DCC: variants seen among roughly 807,000 people sequenced by gnomAD.
DCC encodes DCC netrin 1 receptor.
Under a neutral mutation model 172.5 loss-of-function variants are expected in DCC, and 58 were observed. That is an observed-to-expected ratio of 0.34 (90% CI 0.27 to 0.42). The LOEUF (loss-of-function observed/expected upper bound fraction) is 0.42. Ranked by LOEUF, DCC falls within the 10% of genes least tolerant of loss-of-function variation. The pLI is 1.00. For synonymous variants in DCC, 709 were observed against 644.5 expected (o/e 1.10, Z -1.52); for missense variants, 1,740 against 1,791.0 (o/e 0.97, Z 0.51).
intron 12 of DCC, among the ~76,000 whole-genome samples, chr18:53,241,427 A>G (rs1053909525): frequency 6.6e-6 from 1 of 152,154 alleles, no homozygotes; most frequent in African/African-American, 2.4e-5. Flanking sequence ...TGGAGGGTCA[A>G]GTGGACCAAC....
chr18:53,090,568 C>T (rs185813237), intron 7 of DCC, among the ~76,000 whole-genome samples: 4 of 151,102 alleles, frequency 2.6e-5, no homozygotes, highest in East Asian at 2.0e-4. Flanking sequence ...GTGGCGGGCA[C>T]CTGTGGTCCC....
chr18:52,686,838 T>C (rs2035844593), intron 1 of DCC, among the ~76,000 whole-genome samples: 1 of 152,098 alleles, frequency 6.6e-6, no homozygotes, highest in Non-Finnish European at 1.5e-5. Flanking sequence ...GCCTTGATCA[T>C]ATTTCTGCCA....
At chr18:52,730,212 C>T (rs2036616661) in intron 1 of DCC, among the ~76,000 whole-genome samples, 1 of 152,038 alleles carries the variant, frequency 6.6e-6, no homozygotes, top group South Asian at 2.1e-4. Flanking sequence ...TGTCCAGAGA[C>T]ATTTTTGGTT....
At chr18:53,351,025 T>A (rs369008971) in intron 15 of DCC, among the ~76,000 whole-genome samples, 1 of 149,230 alleles carries the variant, frequency 6.7e-6, no homozygotes, top group South Asian at 2.1e-4. Flanking sequence ...TTCTCTTTTA[T>A]GATTTTTTTT....
chr18:53,483,632 G>C (rs2045864144), intron 25 of DCC, among the ~76,000 whole-genome samples: 3 of 151,536 alleles, frequency 2.0e-5, no homozygotes, highest in Non-Finnish European at 4.4e-5. Context: ...TTATGTTTGT[G>C]GGTCTTTTTT....
intron 1 of DCC, among the ~76,000 whole-genome samples, chr18:52,352,826 G>C (rs1032761198): frequency 2.0e-5 from 3 of 152,114 alleles, no homozygotes; most frequent in African/African-American, 4.8e-5. Flanking sequence ...CAGTGTCCTA[G>C]GGTCTTTCTA....
In DCC at chr18:52,752,077, G is replaced by A. The variant is rs779596593; in HGVS notation, c.115G>A (p.Ala39Thr). 1.2e-6 allele frequency: 2 copies of A among 1,614,094 alleles called. No individual in the cohort carries two copies. The highest frequency in any genetic ancestry group is 1.7e-6 in the Non-Finnish European group (2 of 1,179,996). Residue 39 changes from alanine to threonine, a missense_variant, in exon 2 of 29, where the codon GCA becomes ACA. Ala to Thr is a moderately conservative substitution (Grantham distance 58, BLOSUM62 0). This residue lies in a region of DCC where 1,732 missense variants were observed against 1,767.4 expected (regional missense o/e 0.98). Coordinates refer to ENST00000442544, the MANE Select transcript of DCC (RefSeq NM_005215.4). ...VTGFQIKAFT[A>T]LRFLSEPSDA... Reference sequence around the variant, plus strand: ...AGGTTTTCAAATTAAAGCTTTCACAGCACTGCGCTTCCTCTCAGAACCTTC... The same window carrying A: ...AGGTTTTCAAATTAAAGCTTTCACAACACTGCGCTTCCTCTCAGAACCTTC...
intron 6 of DCC, 74 bp from the exon 7 acceptor site, chr18:53,065,972 C>A: frequency 6.3e-7 from 1 of 1,576,520 alleles, no homozygotes; most frequent in South Asian, 1.1e-5. Flanking sequence ...AAACTTTGGT[C>A]TCATCTAAGT....
chr18:52,415,508 A>C (rs1986990923), intron 1 of DCC, among the ~76,000 whole-genome samples: 1 of 152,194 alleles, frequency 6.6e-6, no homozygotes, highest in Admixed American at 6.5e-5. Flanking sequence ...TGAAGGTGGC[A>C]GGCACCTTGC....
intron 12 of DCC, among the ~76,000 whole-genome samples, chr18:53,299,892 A>G (rs2057112486): frequency 6.6e-6 from 1 of 152,214 alleles, no homozygotes; most frequent in Admixed American, 6.5e-5. Context: ...GGTCATAGCA[A>G]TAGACCTTAA....
Position 53,178,945 on chromosome 18 carries a change from C to T in DCC, c.1419-17C>T. 6.2e-7 allele frequency: 1 copy of T among 1,613,740 alleles called. No homozygotes were observed. Among genetic ancestry groups the T allele is most frequent in the Non-Finnish European group, 8.5e-7 (1 of 1,179,746 alleles). On this transcript the variant is annotated splice_polypyrimidine_tract_variant and intron_variant, in intron 8 of 28. Coordinates refer to ENST00000442544, the MANE Select transcript of DCC (RefSeq NM_005215.4). ...TTCTTTTTGGAATAATCTTTCTCTG[C>T]AACTTTGATTTCTCAGGGAACGAGC... is the stretch of plus-strand genomic sequence containing the variant.
intron 2 of DCC, among the ~76,000 whole-genome samples, chr18:52,898,289 G>A (rs2039761570): frequency 6.6e-6 from 1 of 152,120 alleles, no homozygotes; most frequent in Non-Finnish European, 1.5e-5. Flanking sequence ...GATCCTGATA[G>A]TCTGCCAAGA....
chr18:52,754,317 T>C (rs2037044218), intron 2 of DCC: 1 of 152,208 alleles, frequency 6.6e-6, no homozygotes, highest in South Asian at 2.1e-4. Context: ...TTTTCTCCAC[T>C]AAGAACTCTG....
At position 53,300,994 on chromosome 18, in the gene DCC, T is replaced by TTCTTTCTTTCTTTCTTTCTTTTC. The variant is rs1555649245; in HGVS notation, c.1912-4583_1912-4582insCTTTCTTTCTTTCTTTCTTTTCT. Reference sequence around the variant, plus strand: ...CTTTCTTTCTTTCTTTCTTTCTTTTTTTTTCTTTTCTTTCTTTTCACTCTT... The same window carrying TTCTTTCTTTCTTTCTTTCTTTTC: ...CTTTCTTTCTTTCTTTCTTTCTTTTTTCTTTCTTTCTTTCTTTCTTTTCTTTTCTTTTCTTTCTTTTCACTCTT... On this transcript the variant is annotated intron_variant, in intron 12 of 28. Transcript: ENST00000442544. 8.2e-3 allele frequency among the ~76,000 whole-genome samples: 1,099 copies of TTCTTTCTTTCTTTCTTTCTTTTC among 134,660 alleles called. 72 individuals are homozygous for TTCTTTCTTTCTTTCTTTCTTTTC. Among genetic ancestry groups the TTCTTTCTTTCTTTCTTTCTTTTC allele is most frequent in the African/African-American group, 0.03 (1,062 of 34,840 alleles). 88.3% of individuals were successfully genotyped at this position (134,660 alleles called of 152,430 possible).
At chr18:53,358,592 C>T (rs2057907596) in intron 15 of DCC, among the ~76,000 whole-genome samples, 1 of 132,222 alleles carries the variant, frequency 7.6e-6, no homozygotes, top group African/African-American at 2.9e-5. Flanking sequence ...ATGGTCTCGG[C>T]TCACTGCAAC....
intron 14 of DCC, among the ~76,000 whole-genome samples, chr18:53,323,298 C>G (rs2144829512): frequency 1.3e-5 from 2 of 152,170 alleles, no homozygotes; most frequent in South Asian, 4.1e-4. Flanking sequence ...GAATACCTCA[C>G]TATCATTAAT....
intron 26 of DCC, among the ~76,000 whole-genome samples, chr18:53,496,513 T>G (rs1415878447): frequency 1.3e-5 from 2 of 152,172 alleles, no homozygotes; most frequent in Non-Finnish European, 2.9e-5. Flanking sequence ...GAGAAACCAC[T>G]GCAAAATGTC....
intron 1 of DCC, among the ~76,000 whole-genome samples, chr18:52,541,615 A>G (rs2032448398): frequency 6.6e-6 from 1 of 151,992 alleles, no homozygotes; most frequent in South Asian, 2.1e-4. Flanking sequence ...ATATTTTATA[A>G]GGTTTGGGCA....
chr18:52,710,564 A>T (rs139497161), intron 1 of DCC, among the ~76,000 whole-genome samples: 2 of 152,314 alleles, frequency 1.3e-5, no homozygotes, highest in African/African-American at 4.8e-5. Flanking sequence ...CATGAGGGGA[A>T]GACACCAAAA....
Sources: gnomAD v4.1 joint callset for allele counts (sites outside exome capture counted in the v4.1 genomes callset) on GRCh38, gnomAD v4.1.1 for gene constraint, gnomAD v4.1.1 regional missense constraint, MANE v1.5 for transcripts, NCBI Gene and HGNC (gene_info 2026-07-23, HGNC 2026-07-21) for gene names.